MYO16: variants seen among roughly 807,000 people sequenced by gnomAD.
MYO16 encodes unconventional myosin-XVI.
A neutral mutation model predicts 205.3 loss-of-function variants in MYO16; 94 were observed. That is an observed-to-expected ratio of 0.46 (90% CI 0.39 to 0.54). The LOEUF (loss-of-function observed/expected upper bound fraction) is 0.54, where lower values mean the gene tolerates loss of function less well. Among genes scored for constraint, MYO16 ranks in the 20% least tolerant of loss-of-function variants. The pLI, the probability that MYO16 is intolerant of heterozygous loss-of-function variation, is 0.00. For missense variants in MYO16, 2,315 were observed against 2,387.5 expected, an observed-to-expected ratio of 0.97 and a Z score of 0.63; for synonymous variants, 988 against 954.0, an observed-to-expected ratio of 1.04 and a Z score of -0.66.
the MYO16 span, among the ~76,000 whole-genome samples, chr13:108,574,083 G>A: frequency 2.0e-5 from 3 of 152,248 alleles, no homozygotes; most frequent in Middle Eastern, 6.8e-3. Context: ...AAACTTCTGG[G>A]TTCAAGCCAT....
chr13:109,064,343 A>G (rs1887678216), intron 27 of MYO16, among the ~76,000 whole-genome samples: 1 of 152,144 alleles, frequency 6.6e-6, no homozygotes, highest in South Asian at 2.1e-4. Context: ...CTCTGCATCC[A>G]AACTCTGTGC....
chr13:108,835,188 G>A (rs1876842227), intron 9 of MYO16, among the ~76,000 whole-genome samples: 1 of 152,036 alleles, frequency 6.6e-6, no homozygotes, highest in Non-Finnish European at 1.5e-5. Flanking sequence ...CGCATTCCCT[G>A]GGAGGGACCT....
At chr13:109,070,351 G>A (rs1262630109) in intron 27 of MYO16, among the ~76,000 whole-genome samples, 2 of 152,138 alleles carry the variant, frequency 1.3e-5, no homozygotes, top group African/African-American at 4.8e-5. Flanking sequence ...ACTAGTGGGT[G>A]ACCAACAGGT....
At chr13:108,504,826 C>T in the MYO16 span, among the ~76,000 whole-genome samples, 6 of 152,284 alleles carry the variant, frequency 3.9e-5, no homozygotes, top group African/African-American at 9.6e-5. Flanking sequence ...TGAGCCACCA[C>T]GCCCTGCCAA....
intron 34 of MYO16, among the ~76,000 whole-genome samples, chr13:109,191,038 G>A (rs1332149898): frequency 6.6e-6 from 1 of 151,918 alleles, no homozygotes; most frequent in African/African-American, 2.4e-5. Flanking sequence ...AGCCAAAATG[G>A]AGAAACCCTG....
chr13:108,750,427 G>C (rs573812385), intron 4 of MYO16, among the ~76,000 whole-genome samples: 2 of 152,072 alleles, frequency 1.3e-5, no homozygotes, highest in Non-Finnish European at 2.9e-5. Context: ...ACATCTTTAC[G>C]TAGTATTCTA....
chr13:109,027,535 G>C (rs868387703), intron 23 of MYO16, among the ~76,000 whole-genome samples: 5 of 152,270 alleles, frequency 3.3e-5, no homozygotes, highest in African/African-American at 1.2e-4. Flanking sequence ...TGGCATAGTG[G>C]AAGGAGGGTG....
intron 4 of MYO16, among the ~76,000 whole-genome samples, chr13:108,729,129 T>C (rs7997968): frequency 0.03 from 4,606 of 152,144 alleles, 228 homozygotes; most frequent in African/African-American, 0.1. Context: ...TAGTACTGTA[T>C]ATAAAAAAGC....
At chr13:109,071,593 A>G (rs528045946) in intron 27 of MYO16, among the ~76,000 whole-genome samples, 2 of 152,334 alleles carry the variant, frequency 1.3e-5, no homozygotes, top group Admixed American at 6.5e-5. Context: ...CTGTTTTGAA[A>G]GAACTTCTTC....
chr13:108,738,882 T>C (rs1033407709), intron 4 of MYO16, among the ~76,000 whole-genome samples: 12 of 152,162 alleles, frequency 7.9e-5, no homozygotes, highest in African/African-American at 2.7e-4. Context: ...ATCCCTTTAC[T>C]GTTATGTAAT....
At chr13:108,714,150 G>GA (rs759995838) in intron 3 of MYO16, among the ~76,000 whole-genome samples, 482 of 152,258 alleles carry the variant, frequency 3.2e-3, no homozygotes, top group Non-Finnish European at 5.4e-3. Flanking sequence ...TCCGTCTCCT[G>GA]GTTCACGCCA....
chr13:109,005,841 C>G (rs1393308850), intron 21 of MYO16, among the ~76,000 whole-genome samples: 2 of 152,118 alleles, frequency 1.3e-5, no homozygotes, highest in African/African-American at 4.8e-5. Flanking sequence ...GAAGAAATTT[C>G]CCCCTGAGAC....
chr13:108,780,741 A>G (rs962742804), intron 4 of MYO16, among the ~76,000 whole-genome samples: 2 of 152,216 alleles, frequency 1.3e-5, no homozygotes, highest in African/African-American at 4.8e-5. Context: ...ACCAGGCACT[A>G]TGGTAGGTGT....
In MYO16 at chr13:108,962,411, G is replaced by C; in HGVS notation, c.2156-13G>C. On this transcript the variant is annotated splice_polypyrimidine_tract_variant and intron_variant, in intron 18 of 34. Coordinates refer to ENST00000457511, the MANE Select transcript of MYO16 (RefSeq NM_001198950.3). ...ATACTAACTTTATGTTTATAATGCT[G>C]ATTTAATTTTAGTGGCTGGAATGTT... The C allele has an allele frequency of 6.3e-7, 1 of 1,597,740 alleles. No individual in the cohort carries two copies. The highest frequency in any genetic ancestry group is 8.5e-7 in the Non-Finnish European group (1 of 1,171,246).
chr13:109,168,641 C>T (rs1878795610), intron 33 of MYO16, among the ~76,000 whole-genome samples: 1 of 152,144 alleles, frequency 6.6e-6, no homozygotes, highest in African/African-American at 2.4e-5. Flanking sequence ...AGGAGAATTG[C>T]TTGAACCCAG....
At chr13:109,052,593 A>G (rs1314412390) in intron 25 of MYO16, 118 bp downstream of exon 25, 9 of 779,176 alleles carry the variant, frequency 1.2e-5, no homozygotes, top group Non-Finnish European at 1.8e-5. Context: ...TCTAATAGAA[A>G]GTATTAAGGA....
At chr13:108,615,619 T>C (rs182030040) in intron 1 of MYO16, among the ~76,000 whole-genome samples, 30 of 152,216 alleles carry the variant, frequency 2.0e-4, no homozygotes, top group Non-Finnish European at 2.2e-4. Context: ...TTATTCAATA[T>C]AAAAAGGAAG....
the MYO16 span, among the ~76,000 whole-genome samples, chr13:108,570,439 G>A: frequency 6.6e-6 from 1 of 151,886 alleles, no homozygotes; most frequent in African/African-American, 2.4e-5. Flanking sequence ...CATAGAGATG[G>A]GGTTCCTACT....
the MYO16 span, among the ~76,000 whole-genome samples, chr13:108,521,617 G>A: frequency 0.34 from 50,992 of 151,978 alleles, 10,601 homozygotes; most frequent in African/African-American, 0.59. Context: ...CCTGGTAAAT[G>A]GCACTATTCA....
Sources: gnomAD v4.1 joint callset for allele counts (sites outside exome capture counted in the v4.1 genomes callset) on GRCh38, gnomAD v4.1.1 for gene constraint, MANE v1.5 for transcripts, NCBI Gene and HGNC (gene_info 2026-07-23, HGNC 2026-07-21) for gene names.